Variants in SDC1 observed in about 807,000 individuals in gnomAD.
SDC1 encodes syndecan 1, also known as syndecan-1.
Under a neutral mutation model 29.7 loss-of-function variants are expected in SDC1, and 14 were observed. The observed-to-expected ratio is 0.47, with a 90% confidence interval of 0.31 to 0.74. The LOEUF is 0.74. SDC1 is among the 30% of genes least tolerant of loss of function. The pLI is 0.05. For missense variants in SDC1, 406 were observed against 400.3 expected, an observed-to-expected ratio of 1.01 and a Z score of -0.12; for synonymous variants, 204 against 175.5, an observed-to-expected ratio of 1.16 and a Z score of -1.29.
chr2:20,208,092 G>T, intron 1 of SDC1: 1 of 985,460 alleles, frequency 1.0e-6, no homozygotes, highest in Non-Finnish European at 1.2e-6. Flanking sequence ...TTCAGCAGAA[G>T]CTAGAACCAT....
intron 2 of SDC1, 59 bp from the exon 3 acceptor site, chr2:20,204,350 G>C: frequency 8.7e-7 from 1 of 1,145,288 alleles, no homozygotes; most frequent in Non-Finnish European, 1.3e-6. Context: ...ACCAGAAGCA[G>C]AGTGTGTTGG....
intron 1 of SDC1, among the ~76,000 whole-genome samples, chr2:20,208,899 C>G (rs965066664): frequency 2.0e-5 from 3 of 152,224 alleles, no homozygotes; most frequent in Non-Finnish European, 4.4e-5. Context: ...ATCTAGGCTT[C>G]CACTCATTCT....
In SDC1 at chr2:20,224,931, C is replaced by G; in HGVS notation, c.-64G>C. ...GGGTCGCGGCTGCGGGCCGGCTTCG[C>G]GGGTTCCGCTGCTCGATGCTCTCTT... On this transcript the variant is annotated 5_prime_UTR_variant, in exon 1 of 5. Transcript: ENST00000254351. This position sits in a 1 kb window ranked among gnomAD's most constrained non-coding sequence, Gnocchi z 4.9. 1 of 1,201,210 alleles carries G rather than the reference C, an allele frequency of 8.3e-7. No homozygotes were observed. The highest frequency in any genetic ancestry group is 1.0e-6 in the Non-Finnish European group (1 of 968,666). The allele number at this position is 1,201,210 out of a possible 1,614,324, so 74.4% of individuals were successfully genotyped here. A position where few individuals can be genotyped will look rare whatever the true frequency, so the allele number is the denominator to read the frequency against.
At position 20,202,600 on chromosome 2, in the gene SDC1, G is replaced by C. The variant is rs1452687461; in HGVS notation, c.*166C>G. 29 of 689,708 alleles carry C rather than the reference G, an allele frequency of 4.2e-5. No homozygotes were observed. The highest frequency in any genetic ancestry group is 6.7e-5 in the Non-Finnish European group (27 of 400,590). 42.7% of individuals were successfully genotyped at this position (689,708 alleles called of 1,614,324 possible). A position where few individuals can be genotyped will look rare whatever the true frequency, so the allele number is the denominator to read the frequency against. ...AGGCAGAAGTCAGAGAAGCAGAGTG[G>C]AGCTCCCAGCACACCCCACGACTCC... On this transcript the variant is annotated 3_prime_UTR_variant, in exon 5 of 5. Transcript: ENST00000254351.
intron 1 of SDC1, among the ~76,000 whole-genome samples, chr2:20,214,090 G>A (rs1308090925): frequency 6.6e-6 from 1 of 152,190 alleles, no homozygotes; most frequent in Admixed American, 6.5e-5. Context: ...GGAGCTCTGG[G>A]AGAGGGAACA....
Position 20,218,530 on chromosome 2 carries a change from CACACACACACACAG to C in SDC1, c.66+6258_66+6271del, listed in dbSNP as rs1209184771. Among the ~76,000 whole-genome samples the C allele has an allele frequency of 6.6e-3, 961 of 146,292 alleles. 28 individuals are homozygous for C. The highest frequency in any genetic ancestry group is 0.047 in the Admixed American group (701 of 14,966). On this transcript the variant is annotated intron_variant, in intron 1 of 4. Transcript: ENST00000254351. ...AGCACCCCCCCACCACACACACAGA[CACACACACACACAG>C]ACACACACACACAGAGACACACATA...
chr2:20,204,059 C>A lies in SDC1; in HGVS notation c.381G>T (p.Glu127Asp). Residue 127 changes from glutamate (E) to aspartate (D), a missense_variant, in exon 3 of 5, where the codon GAG becomes GAT. Transcript: ENST00000254351. ...REQEATPRPR[E>D]TTQLPTTHLA... ...GATGAGTGGTCGGGAGCTGTGTGGTCTCCCTGGGTCGGGGGGTGGCCTCCT... is the reference window on the plus strand; with the variant it reads ...GATGAGTGGTCGGGAGCTGTGTGGTATCCCTGGGTCGGGGGGTGGCCTCCT... The A allele has an allele frequency of 6.2e-7, 1 of 1,611,692 alleles. No homozygotes were observed. The highest frequency in any genetic ancestry group is 1.7e-5 in the Admixed American group (1 of 59,964).
At chr2:20,204,440 T>A in intron 2 of SDC1, 149 bp from the exon 3 acceptor site, 2 of 649,270 alleles carry the variant, frequency 3.1e-6, no homozygotes, top group Non-Finnish European at 5.5e-6. Flanking sequence ...ACAAGGCAGC[T>A]GAGGCTAAGC....
intron 2 of SDC1, among the ~76,000 whole-genome samples, chr2:20,204,629 G>T (rs1179981897): frequency 1.3e-5 from 2 of 151,970 alleles, no homozygotes; most frequent in Non-Finnish European, 2.9e-5. Context: ...CTTATCCCAG[G>T]GCACACACTT....
chr2:20,225,237 C>T (rs997931831), upstream of SDC1: 10 of 169,962 alleles, frequency 5.9e-5, no homozygotes, highest in Non-Finnish European at 8.7e-5. Context: ...ACGCCCCACC[C>T]CCGGCCCGCT....
At chr2:20,218,119 G>T (rs1421334222) in intron 1 of SDC1, among the ~76,000 whole-genome samples, 2 of 152,200 alleles carry the variant, frequency 1.3e-5, no homozygotes, top group Admixed American at 6.5e-5. Flanking sequence ...AGGTCTCTCT[G>T]TAACCATGTG....
At chr2:20,211,423 C>T (rs1677460995) in intron 1 of SDC1, among the ~76,000 whole-genome samples, 1 of 152,220 alleles carries the variant, frequency 6.6e-6, no homozygotes, top group African/African-American at 2.4e-5. Context: ...CCAGGGAAAG[C>T]TCAGCAATGT....
At chr2:20,221,268 C>T (rs1215695123) in intron 1 of SDC1, among the ~76,000 whole-genome samples, 1 of 152,200 alleles carries the variant, frequency 6.6e-6, no homozygotes, top group African/African-American at 2.4e-5. Context: ...TGATTAGTTT[C>T]TTAGTGCCAC....
intron 1 of SDC1, among the ~76,000 whole-genome samples, chr2:20,212,681 C>A (rs756627882): frequency 3.3e-5 from 5 of 152,080 alleles, no homozygotes; most frequent in Admixed American, 3.3e-4. Context: ...CGGGGCCTGC[C>A]GAGGGTATGA....
At position 20,203,828 on chromosome 2, in the gene SDC1, C is replaced by T; in HGVS notation, c.612G>A (p.Glu204=). The part of the protein sequence containing the change: ...DGASSQLPAA[E]GSGEQDFTFE... The stretch of plus-strand genomic sequence containing the variant: ...GGCCACTCACCTGCTCCCCAGAGCC[C>T]TCTGCTGCTGGGAGCTGACTGGAGG... The change falls in exon 3 of 5, where the codon GAG becomes GAA. Residue 204 remains glutamate (E), a synonymous_variant. Transcript: ENST00000254351. 1.9e-6 allele frequency: 3 copies of T among 1,592,480 alleles called. No homozygotes were observed. Among genetic ancestry groups the T allele is most frequent in the Non-Finnish European group, 2.6e-6 (3 of 1,172,750 alleles).
intron 1 of SDC1, chr2:20,223,506 G>A: frequency 9.1e-6 from 3 of 330,788 alleles, no homozygotes; most frequent in East Asian, 8.8e-5. Context: ...ACTTCCGGAA[G>A]GGGAAGCGCC....
At chr2:20,205,637 T>G (rs1003014581) in intron 1 of SDC1, among the ~76,000 whole-genome samples, 1 of 152,178 alleles carries the variant, frequency 6.6e-6, no homozygotes, top group Non-Finnish European at 1.5e-5. Flanking sequence ...AGCCTGGTAC[T>G]GGGTGCAGGG....
At chr2:20,206,280 G>A (rs1047128586) in intron 1 of SDC1, among the ~76,000 whole-genome samples, 4 of 152,220 alleles carry the variant, frequency 2.6e-5, no homozygotes, top group African/African-American at 7.2e-5. Context: ...AATGCTGCCC[G>A]CCTGCCCAGC....
At chr2:20,210,713 G>A (rs1039711921) in intron 1 of SDC1, among the ~76,000 whole-genome samples, 2 of 152,156 alleles carry the variant, frequency 1.3e-5, no homozygotes, top group Admixed American at 6.5e-5. Context: ...AAGGAGCTAG[G>A]TCACCACCTT....
Sources: gnomAD v4.1 joint callset for allele counts (sites outside exome capture counted in the v4.1 genomes callset) on GRCh38, gnomAD v4.1.1 for gene constraint, Gnocchi (gnomAD v3.1) non-coding constraint, MANE v1.5 for transcripts, NCBI Gene and HGNC (gene_info 2026-07-23, HGNC 2026-07-21) for gene names.